CLDN16: variants seen among roughly 807,000 people sequenced by gnomAD.
CLDN16 encodes claudin 16.
Under a neutral mutation model 24.6 loss-of-function variants are expected in CLDN16, and 13 were observed. The ratio of observed to expected loss-of-function variants is 0.53; its 90% CI spans 0.34 to 0.84. The LOEUF (loss-of-function observed/expected upper bound fraction) is 0.84. Among genes scored for constraint, CLDN16 ranks in the 40% least tolerant of loss-of-function variants. CLDN16 has a pLI of 0.01. For missense variants in CLDN16, 298 were observed against 292.7 expected, an observed-to-expected ratio of 1.02 and a Z score of -0.13; for synonymous variants, 116 against 106.7, an observed-to-expected ratio of 1.09 and a Z score of -0.54.
At chr3:190,302,262 C>T in the CLDN16 span, among the ~76,000 whole-genome samples, 6 of 152,200 alleles carry the variant, frequency 3.9e-5, no homozygotes, top group Admixed American at 2.0e-4. Flanking sequence ...CTCCAACCTT[C>T]TCAATAGTTC....
intron 1 of CLDN16, among the ~76,000 whole-genome samples, chr3:190,354,345 A>G (rs1307300820): frequency 6.6e-6 from 1 of 152,028 alleles, no homozygotes; most frequent in Non-Finnish European, 1.5e-5. Context: ...ATGATTCCCA[A>G]GATTTCATTT....
chr3:190,397,636 G>C (rs1718854178), intron 1 of CLDN16, among the ~76,000 whole-genome samples: 1 of 152,118 alleles, frequency 6.6e-6, no homozygotes, highest in Non-Finnish European at 1.5e-5. Context: ...TGTGCACAAA[G>C]GCACCTTTAA....
chr3:190,360,407 G>A (rs920634434), intron 1 of CLDN16, among the ~76,000 whole-genome samples: 2 of 151,870 alleles, frequency 1.3e-5, no homozygotes, highest in African/African-American at 4.8e-5. Context: ...GATTTATCCG[G>A]TGTGACATGT....
upstream of CLDN16, chr3:190,322,448 C>A: frequency 1.8e-6 from 1 of 569,302 alleles, no homozygotes; most frequent in Non-Finnish European, 3.2e-6. Context: ...AACTGAGACG[C>A]AGAACCGCTG....
the CLDN16 span, among the ~76,000 whole-genome samples, chr3:190,302,363 C>T: frequency 2.6e-5 from 4 of 152,186 alleles, no homozygotes; most frequent in African/African-American, 9.6e-5. Flanking sequence ...TAGAATGTAA[C>T]TTCCTGGAAG....
In CLDN16 at chr3:190,410,221, A is replaced by G; in HGVS notation, c.*185A>G. 5 of 670,880 alleles carry G rather than the reference A, an allele frequency of 7.5e-6. 1 individual carries two copies. The South Asian group carries it at 9.2e-5, about 12-fold the overall frequency. 41.6% of individuals were successfully genotyped at this position (670,880 alleles called of 1,614,324 possible). A position where few individuals can be genotyped will look rare whatever the true frequency, so the allele number is the denominator to read the frequency against. On this transcript the variant is annotated 3_prime_UTR_variant, in exon 5 of 5. Coordinates refer to ENST00000264734, the MANE Select transcript of CLDN16 (RefSeq NM_006580.4). ...TCTATTACTCTTATATTTTCCCGTC[A>G]TTCTCTCTGCTAACCTTCCACCTTA... is the stretch of plus-strand genomic sequence containing the variant.
the CLDN16 span, among the ~76,000 whole-genome samples, chr3:190,316,684 T>C: frequency 1.3e-5 from 2 of 152,212 alleles, no homozygotes; most frequent in Non-Finnish European, 2.9e-5. Context: ...TATTCCTATT[T>C]CCATCTAAAG....
chr3:190,400,001 G>T (rs1238664140), intron 1 of CLDN16, among the ~76,000 whole-genome samples: 1 of 152,124 alleles, frequency 6.6e-6, no homozygotes, highest in Non-Finnish European at 1.5e-5. Flanking sequence ...ATCTGAGCTG[G>T]AACAGTTTCA....
chr3:190,325,543 C>G (rs988611930), intron 1 of CLDN16, among the ~76,000 whole-genome samples: 1 of 152,130 alleles, frequency 6.6e-6, no homozygotes, highest in African/African-American at 2.4e-5. Flanking sequence ...CTGGTTTATT[C>G]CATGTGCTTG....
chr3:190,375,307 A>G lies in CLDN16; in HGVS notation n.306+704A>G, dbSNP rs558528950. Reference sequence around the variant, plus strand: ...TTTAGGCTGTTTCATTTTGTTTTCCAACTTGGTATTTAATTTTGCTTCAGC... The same window carrying G: ...TTTAGGCTGTTTCATTTTGTTTTCCGACTTGGTATTTAATTTTGCTTCAGC... On this transcript the variant is annotated intron_variant and non_coding_transcript_variant, in intron 3 of 4. Transcript: ENST00000468220. Among the ~76,000 whole-genome samples, 17 of 152,034 alleles carry G rather than the reference A, an allele frequency of 1.1e-4. No individual in the cohort carries two copies. In the South Asian group the frequency reaches 3.3e-3, roughly 30 times the overall value.
chr3:190,336,955 T>A (rs1717325514), intron 1 of CLDN16, among the ~76,000 whole-genome samples: 1 of 152,240 alleles, frequency 6.6e-6, no homozygotes, highest in African/African-American at 2.4e-5. Context: ...TATTCCAGAC[T>A]TCTTTGTCAC....
intron 1 of CLDN16, among the ~76,000 whole-genome samples, chr3:190,361,552 T>C (rs972035537): frequency 6.6e-6 from 1 of 151,998 alleles, no homozygotes; most frequent in Admixed American, 6.6e-5. Context: ...TTAGAAATTA[T>C]GGTTTAGGGG....
chr3:190,399,030 C>T (rs1409832107), intron 1 of CLDN16, among the ~76,000 whole-genome samples: 1 of 152,050 alleles, frequency 6.6e-6, no homozygotes, highest in Non-Finnish European at 1.5e-5. Flanking sequence ...TGAGATAATC[C>T]TCCAGAAAGT....
In CLDN16 at chr3:190,404,840, G is replaced by T. The variant is rs1273948471; in HGVS notation, c.296G>T (p.Gly99Val). Residue 99 changes from glycine to valine, a missense_variant, in exon 3 of 5, where the codon GGT becomes GTT. Gly to Val is a moderately radical substitution (Grantham distance 109). Coordinates refer to ENST00000264734, the MANE Select transcript of CLDN16 (RefSeq NM_006580.4). ...AGFGFLTLLL[G>V]LDCVKFLPDE... ...TTTGGATTTCTCACCCTGCTCCTTG[G>T]TCTTGACTGCGTGAAATTCCTCCCT... is the stretch of plus-strand genomic sequence containing the variant. 1.2e-6 allele frequency: 2 copies of T among 1,613,962 alleles called. No individual in the cohort carries two copies. Among genetic ancestry groups the T allele is most frequent in the Admixed American group, 3.3e-5 (2 of 59,996 alleles).
At chr3:190,360,543 A>C (rs947418473) in intron 1 of CLDN16, among the ~76,000 whole-genome samples, 4 of 151,982 alleles carry the variant, frequency 2.6e-5, no homozygotes, top group African/African-American at 9.7e-5. Context: ...TAAGAACAAA[A>C]TGTAGCTAGA....
intron 1 of CLDN16, among the ~76,000 whole-genome samples, chr3:190,344,539 C>G (rs917959507): frequency 1.3e-5 from 2 of 151,400 alleles, no homozygotes; most frequent in Admixed American, 6.6e-5. Context: ...ACTATGTATT[C>G]TGTAAATGCA....
At chr3:190,357,517 A>T (rs1717799709) in intron 1 of CLDN16, among the ~76,000 whole-genome samples, 1 of 151,528 alleles carries the variant, frequency 6.6e-6, no homozygotes, top group Non-Finnish European at 1.5e-5. Context: ...CTCTTGAGGG[A>T]TCTTTCTAAA....
rs879936560 is a variant in CLDN16, at chr3:190,338,462, T to TTA, written n.121+15801_121+15802insTA. Among the ~76,000 whole-genome samples the TTA allele has an allele frequency of 1.3e-3, 202 of 152,308 alleles. 1 individual carries two copies. The highest frequency in any genetic ancestry group is 1.9e-3 in the Non-Finnish European group (130 of 68,016). Reference sequence around the variant, plus strand: ...TTTCATACCTACGTGAACTGCAGGTTATCTCTTGGTACCCTCATGCCCAAG... The same window carrying TTA: ...TTTCATACCTACGTGAACTGCAGGTTTAATCTCTTGGTACCCTCATGCCCAAG... On this transcript the variant is annotated intron_variant and non_coding_transcript_variant, in intron 1 of 4. Transcript: ENST00000468220.
chr3:190,362,099 C>T (rs554255007), intron 1 of CLDN16, among the ~76,000 whole-genome samples: 2 of 151,152 alleles, frequency 1.3e-5, no homozygotes, highest in East Asian at 2.0e-4. Context: ...AAACCCCTTG[C>T]ATTTGAAGAC....
Sources: allele counts gnomAD v4.1 joint callset (sites outside exome capture counted in the v4.1 genomes callset), GRCh38; gene constraint gnomAD v4.1.1; transcripts MANE v1.5; gene names NCBI Gene and HGNC (gene_info 2026-07-23, HGNC 2026-07-21).